The following NDST1 variants were observed in gnomAD, a reference collection of about 807,000 sequenced individuals.
NDST1 encodes the protein bifunctional heparan sulfate N-deacetylase/N-sulfotransferase 1.
A neutral mutation model predicts 92.8 loss-of-function variants in NDST1; 35 were observed. The ratio of observed to expected loss-of-function variants is 0.38; its 90% CI spans 0.29 to 0.50. The LOEUF is 0.50. Ranked by LOEUF, NDST1 falls within the 20% of genes least tolerant of loss-of-function variation. The probability of loss-of-function intolerance (pLI) is 0.94; values close to 1 mark genes in which losing one functional copy is unlikely to be tolerated. For synonymous variants in NDST1, 493 were observed against 500.3 expected (o/e 0.99, Z 0.19); for missense variants, 822 against 1,182.7 (o/e 0.69, Z 4.47).
At chr5:150,548,088 C>A in intron 11 of NDST1, 130 bp from the exon 12 acceptor site, 1 of 1,034,888 alleles carries the variant, frequency 9.7e-7, no homozygotes, top group Non-Finnish European at 1.5e-6. Flanking sequence ...AGAGGCAGAG[C>A]CAGGACTCAG....
At chr5:150,514,875 G>A (rs551762771) in intron 1 of NDST1, among the ~76,000 whole-genome samples, 37 of 152,330 alleles carry the variant, frequency 2.4e-4, no homozygotes, top group African/African-American at 8.9e-4. Context: ...CCTGGGAAAA[G>A]TGGGAGCTTC....
At chr5:150,526,345 C>T (rs1237421803) in intron 2 of NDST1, among the ~76,000 whole-genome samples, 1 of 152,160 alleles carries the variant, frequency 6.6e-6, no homozygotes, top group African/African-American at 2.4e-5. Flanking sequence ...AGAGCAGGGG[C>T]CATGTCTTTG....
At chr5:150,543,986 G>C (rs961043192) in intron 10 of NDST1, among the ~76,000 whole-genome samples, 1 of 152,244 alleles carries the variant, frequency 6.6e-6, no homozygotes, top group East Asian at 1.9e-4. Context: ...TGCCATGTTG[G>C]TCAGGCTGGT....
chr5:150,541,481 G>T, intron 8 of NDST1, 89 bp from the exon 9 acceptor site: 1 of 1,117,008 alleles, frequency 9.0e-7, no homozygotes, highest in East Asian at 2.4e-5. Context: ...CATGCCCATT[G>T]GGCTGTAAGG....
chr5:150,541,147 A>G (rs1755229281), intron 8 of NDST1, among the ~76,000 whole-genome samples: 1 of 152,206 alleles, frequency 6.6e-6, no homozygotes, highest in Non-Finnish European at 1.5e-5. Flanking sequence ...TCATTCTTGT[A>G]TCTACTGTCT....
rs1754227450 is a variant in NDST1, at chr5:150,521,228, C to T, written c.-27C>T. The T allele has an allele frequency of 6.3e-7, 1 of 1,595,928 alleles. No homozygotes were observed. Among genetic ancestry groups the T allele is most frequent in the Admixed American group, 1.7e-5 (1 of 59,134 alleles). On this transcript the variant is annotated 5_prime_UTR_variant, in exon 2 of 15. Coordinates refer to ENST00000261797, the MANE Select transcript of NDST1 (RefSeq NM_001543.5). The surrounding 1 kb of genome is among the most constrained non-coding windows in gnomAD (Gnocchi z 5.9). ...GGGGTAGCCAGGGCAGGCCGGGCCTCCGGTGGCCAAGGTCTCGGAGGCCAG... is the reference window on the plus strand; with the variant it reads ...GGGGTAGCCAGGGCAGGCCGGGCCTTCGGTGGCCAAGGTCTCGGAGGCCAG...
At chr5:150,512,277 C>T (rs1281913238) in intron 1 of NDST1, among the ~76,000 whole-genome samples, 1 of 152,118 alleles carries the variant, frequency 6.6e-6, no homozygotes, top group Non-Finnish European at 1.5e-5. Flanking sequence ...GTGTGTGGTC[C>T]ACAGAGGGCA....
At chr5:150,506,439 C>T (rs1022481044), upstream of NDST1, among the ~76,000 whole-genome samples, 4 of 152,114 alleles carry the variant, frequency 2.6e-5, no homozygotes, top group African/African-American at 7.2e-5. Flanking sequence ...CTAAAAGGCT[C>T]CTCGCGGGCC....
rs567695127 is a variant in NDST1, at chr5:150,513,376, C to A, written c.-388+5150C>A. 1.3e-4 allele frequency among the ~76,000 whole-genome samples: 20 copies of A among 152,178 alleles called. No individual in the cohort carries two copies. The East Asian group carries it at 3.7e-3, about 28-fold the overall frequency. Reference sequence around the variant, plus strand: ...CATGGTGGCAGGTGCCTGTAATCCCCACTACTCAGGAGGCTGAGGCTCGAA... The same window carrying A: ...CATGGTGGCAGGTGCCTGTAATCCCAACTACTCAGGAGGCTGAGGCTCGAA... On this transcript the variant is annotated intron_variant, in intron 1 of 14. Coordinates refer to ENST00000261797, the MANE Select transcript of NDST1 (RefSeq NM_001543.5).
rs2983100 is a variant in NDST1, at chr5:150,512,745, G to T, written c.-388+4519G>T. Reference sequence around the variant, plus strand: ...TATATTACCATGTGCCAGGCACTGAGCTCAGTGTTTTACATGCCTCATCTC... The same window carrying T: ...TATATTACCATGTGCCAGGCACTGATCTCAGTGTTTTACATGCCTCATCTC... On this transcript the variant is annotated intron_variant, in intron 1 of 14. Transcript: ENST00000261797. 1.1e-4 allele frequency among the ~76,000 whole-genome samples: 16 copies of T among 152,356 alleles called. No individual in the cohort carries two copies. In the South Asian group the frequency reaches 3.3e-3, roughly 32 times the overall value.
At position 150,521,373 on chromosome 5, in the gene NDST1, G is replaced by A. The variant is rs768165787; in HGVS notation, c.119G>A (p.Gly40Asp). The part of the protein sequence containing the change: ...SVFISAYYLY[G>D]WKRGLEPSAD... ...TTCATCTCGGCCTACTACCTATATGGCTGGAAGCGAGGCCTGGAGCCCTCG... is the reference window on the plus strand; with the variant it reads ...TTCATCTCGGCCTACTACCTATATGACTGGAAGCGAGGCCTGGAGCCCTCG... The change falls in exon 2 of 15, where the codon GGC (glycine) becomes GAC (aspartate). Residue 40 changes from glycine to aspartate, a missense_variant. Gly to Asp is a moderately conservative substitution (Grantham distance 94). Coordinates refer to ENST00000261797, the MANE Select transcript of NDST1 (RefSeq NM_001543.5). The surrounding 1 kb of genome is among the most constrained non-coding windows in gnomAD (Gnocchi z 5.9). The A allele has an allele frequency of 6.2e-7, 1 of 1,613,470 alleles. No homozygotes were observed. The highest frequency in any genetic ancestry group is 2.2e-5 in the East Asian group (1 of 44,830).
chr5:150,533,045 G>A lies in NDST1; in HGVS notation c.1096+13G>A. On this transcript the variant is annotated intron_variant, in intron 4 of 14. Coordinates refer to ENST00000261797, the MANE Select transcript of NDST1 (RefSeq NM_001543.5). ...TTCTTCCACACAGGTAAGTGGGCCT[G>A]CCCCTGCCCTCACTAGCAACTTCCA... The A allele has an allele frequency of 1.2e-6, 2 of 1,612,422 alleles. No individual in the cohort carries two copies. Among genetic ancestry groups the A allele is most frequent in the Non-Finnish European group, 1.7e-6 (2 of 1,178,432 alleles).
chr5:150,532,883 T>G, intron 3 of NDST1, 62 bp from the exon 4 acceptor site: 1 of 1,469,342 alleles, frequency 6.8e-7, no homozygotes, highest in Non-Finnish European at 9.5e-7. Flanking sequence ...CTGCCCTCAG[T>G]GGGAAAAGCA....
chr5:150,535,202 AC>A (rs1300558473), intron 5 of NDST1, 181 bp downstream of exon 5: 1 of 808,176 alleles, frequency 1.2e-6, no homozygotes, highest in African/African-American at 1.9e-5. Flanking sequence ...CAAGAGAATA[AC>A]CCCTTTACAG....
chr5:150,541,125 A>G (rs978949670), intron 8 of NDST1, among the ~76,000 whole-genome samples: 1 of 152,248 alleles, frequency 6.6e-6, no homozygotes, highest in Admixed American at 6.5e-5. Flanking sequence ...TTTTATTGGC[A>G]GACAGCCACG....
chr5:150,528,024 C>G lies in NDST1; in HGVS notation c.734C>G (p.Ser245Trp). The change falls in exon 3 of 15, where the codon TCG becomes TGG. Residue 245 changes from serine (S) to tryptophan (W), a missense_variant. Ser to Trp is a radical substitution (Grantham distance 177). Coordinates refer to ENST00000261797, the MANE Select transcript of NDST1 (RefSeq NM_001543.5). ...YEPVLLAKTR[S>W]SESIPHLGAD... ...CCAGTGCTGCTGGCCAAGACGCGCTCGTCTGAGTCCATCCCACACCTGGGC... is the reference window on the plus strand; with the variant it reads ...CCAGTGCTGCTGGCCAAGACGCGCTGGTCTGAGTCCATCCCACACCTGGGC... The G allele has an allele frequency of 1.9e-6, 3 of 1,613,624 alleles. No homozygotes were observed. The highest frequency in any genetic ancestry group is 2.5e-6 in the Non-Finnish European group (3 of 1,179,814).
intron 6 of NDST1, among the ~76,000 whole-genome samples, chr5:150,536,574 T>G (rs1324789113): frequency 6.6e-6 from 1 of 152,054 alleles, no homozygotes; most frequent in Non-Finnish European, 1.5e-5. Context: ...TTTTCTTTCT[T>G]TCTTCTTTTT....
At chr5:150,537,696 A>G (rs566015351) in intron 6 of NDST1, among the ~76,000 whole-genome samples, 31 of 152,292 alleles carry the variant, frequency 2.0e-4, no homozygotes, top group Middle Eastern at 3.4e-3. Context: ...ATTTTATTAC[A>G]TTGGGAAGCA....
At chr5:150,513,917 G>A (rs549436598) in intron 1 of NDST1, among the ~76,000 whole-genome samples, 2 of 152,230 alleles carry the variant, frequency 1.3e-5, no homozygotes, top group African/African-American at 2.4e-5. Context: ...GGTATTTCCC[G>A]AAAGTGCAGC....
Sources: gnomAD v4.1 joint callset for allele counts (sites outside exome capture counted in the v4.1 genomes callset) on GRCh38, gnomAD v4.1.1 for gene constraint, Gnocchi (gnomAD v3.1) non-coding constraint, MANE v1.5 for transcripts, NCBI Gene and HGNC (gene_info 2026-07-23, HGNC 2026-07-21) for gene names.